The following CHCHD1 variants were observed in gnomAD, a reference collection of about 807,000 sequenced individuals.
The protein encoded by CHCHD1 is small ribosomal subunit protein mS37.
In CHCHD1, 12 loss-of-function variants were observed where a neutral mutation model predicts 12.7. The observed-to-expected ratio is 0.95, with a 90% CI of 0.61 to 1.53. The LOEUF (loss-of-function observed/expected upper bound fraction) is 1.53. Among genes scored for constraint, CHCHD1 ranks in the 40% most tolerant of loss-of-function variants. The probability of loss-of-function intolerance (pLI) is 0.00; values close to 1 mark genes in which losing one functional copy is unlikely to be tolerated. For missense variants in CHCHD1, 151 were observed against 155.8 expected (o/e 0.97, Z 0.17); for synonymous variants, 57 against 62.4 (o/e 0.91, Z 0.41).
intron 1 of CHCHD1, 61 bp downstream of exon 1, chr10:73,782,260 G>T: frequency 6.2e-7 from 1 of 1,609,568 alleles, no homozygotes. Context: ...AGGGGCGGGT[G>T]GGTAGGAGGG....
chr10:73,782,988 T>C (rs2083110320), intron 2 of CHCHD1, 86 bp from the exon 3 acceptor site: 1 of 1,010,652 alleles, frequency 9.9e-7, no homozygotes. Flanking sequence ...ACTTGATTGA[T>C]TGATTGGTTT....
At chr10:73,783,004 G>T (rs970141383) in intron 2 of CHCHD1, 70 bp from the exon 3 acceptor site, 3 of 1,217,166 alleles carry the variant, frequency 2.5e-6, no homozygotes, top group Non-Finnish European at 3.6e-6. Context: ...GGTTTTTTGG[G>T]TCAGATCTTA....
chr10:73,782,950 T>A (rs897790288), intron 2 of CHCHD1, 124 bp from the exon 3 acceptor site: 15 of 773,526 alleles, frequency 1.9e-5, no homozygotes, highest in African/African-American at 7.0e-5. Flanking sequence ...TAGGGCATTG[T>A]GAGAACTATG....
rs989126170 is a variant in CHCHD1, at chr10:73,782,678, ATGT to A, written c.243+241_243+243del. 95 of 1,056,224 alleles carry A rather than the reference ATGT, an allele frequency of 9.0e-5. No homozygotes were observed. In the African/African-American group the frequency reaches 1.4e-3, roughly 16 times the overall value. The allele number at this position is 1,056,224 out of a possible 1,614,324, so 65.4% of individuals were successfully genotyped here. ...AGGCTAACCAATACCACCTTAAAGA[ATGT>A]TGTGAGTGTCAGATGAAGTAATGAA... On this transcript the variant is annotated intron_variant, in intron 2 of 2. Transcript: ENST00000372833.
chr10:73,783,002 G>T, intron 2 of CHCHD1, 72 bp from the exon 3 acceptor site: 1 of 1,164,332 alleles, frequency 8.6e-7, no homozygotes, highest in Non-Finnish European at 1.3e-6. Context: ...TTGGTTTTTT[G>T]GGTCAGATCT....
intron 2 of CHCHD1, 153 bp downstream of exon 2, chr10:73,782,594 G>A: frequency 6.9e-7 from 1 of 1,457,720 alleles, no homozygotes; most frequent in Non-Finnish European, 9.0e-7. Flanking sequence ...TTTGAAGGCT[G>A]TGTGATCTTG....
chr10:73,782,527 G>A lies in CHCHD1; in HGVS notation c.243+86G>A, dbSNP rs775388252. On this transcript the variant is annotated intron_variant, in intron 2 of 2. Coordinates refer to ENST00000372833, the MANE Select transcript of CHCHD1 (RefSeq NM_203298.3). ...TTCTCCCTGCCTTTTGCTAGGAAAG[G>A]CCCTTTCATTCATTTGGGAGGTATA... 11 of 1,591,852 alleles carry A rather than the reference G, an allele frequency of 6.9e-6. No individual in the cohort carries two copies. In the African/African-American group the frequency reaches 1.1e-4, roughly 16 times the overall value.
chr10:73,782,904 A>G, intron 2 of CHCHD1, 170 bp from the exon 3 acceptor site: 1 of 637,460 alleles, frequency 1.6e-6, no homozygotes, highest in East Asian at 2.8e-5. Flanking sequence ...AGGCTGACAT[A>G]GATCTCTCCA....
rs770160307 is a variant in CHCHD1, at chr10:73,783,295, A to G, written c.*108A>G. On this transcript the variant is annotated 3_prime_UTR_variant, in exon 3 of 3. Coordinates refer to ENST00000372833, the MANE Select transcript of CHCHD1 (RefSeq NM_203298.3). The stretch of plus-strand genomic sequence containing the variant: ...CCCTCTTTGGAGGGTAGAAGAGGCA[A>G]AACACTTTTTTCACCCTTTGGAATC... 12 of 742,938 alleles carry G rather than the reference A, an allele frequency of 1.6e-5. No homozygotes were observed. Among genetic ancestry groups the G allele is most frequent in the South Asian group, 3.5e-5 (2 of 56,952 alleles). The allele number at this position is 742,938 out of a possible 1,614,324, so 46.0% of individuals were successfully genotyped here.
chr10:73,782,767 G>A, intron 2 of CHCHD1: 1 of 593,158 alleles, frequency 1.7e-6, no homozygotes, highest in Non-Finnish European at 2.8e-6. Context: ...GTGTGAAATA[G>A]AACTAAAGAG....
At chr10:73,782,761 G>A (rs1198577402) in intron 2 of CHCHD1, 16 of 605,046 alleles carry the variant, frequency 2.6e-5, no homozygotes, top group Non-Finnish European at 3.7e-5. Flanking sequence ...ATTATTGTGT[G>A]AAATAGAACT....
rs1395683485 is a variant in CHCHD1 at position 73,782,115 on chromosome 10, G to T, written c.40G>T (p.Gly14Trp). The change falls in exon 1 of 3, where the codon GGG (glycine) becomes TGG (tryptophan). Residue 14 changes from glycine (G) to tryptophan (W), a missense_variant. Coordinates refer to ENST00000372833, the MANE Select transcript of CHCHD1 (RefSeq NM_203298.3). ...CCTGCGGGGTCGTCTGGCGCGGTTT[G>T]GGAACCCGCGGAAGCCTGTGCTGAA... ...PSLRGRLARF[G>W]NPRKPVLKPN... The T allele has an allele frequency of 6.2e-7, 1 of 1,613,190 alleles. No homozygotes were observed. The highest frequency in any genetic ancestry group is 8.5e-7 in the Non-Finnish European group (1 of 1,179,956).
rs1565060855 is a variant in CHCHD1 at position 73,783,182 on chromosome 10, A to C, written c.352A>C (p.Ser118Arg). The change falls in exon 3 of 3, where the codon AGC (serine) becomes CGC (arginine). Residue 118 changes from serine to arginine, a missense_variant. By Grantham distance (110) the Ser-to-Arg change is moderately radical (BLOSUM62 -1). Transcript: ENST00000372833. Reference protein sequence around the residue: ...LQRFPNKPYLS With the variant: ...LQRFPNKPYLR ...GAGGTTTCCTAACAAACCTTACCTCAGCTGAAAATGGACAAGTATTTTCAA... is the reference window on the plus strand; with the variant it reads ...GAGGTTTCCTAACAAACCTTACCTCCGCTGAAAATGGACAAGTATTTTCAA... 6.2e-7 allele frequency: 1 copy of C among 1,607,442 alleles called. No homozygotes were observed. Among genetic ancestry groups the C allele is most frequent in the East Asian group, 2.2e-5 (1 of 44,824 alleles).
intron 2 of CHCHD1, 191 bp downstream of exon 2, chr10:73,782,632 C>G: frequency 1.4e-6 from 2 of 1,386,036 alleles, no homozygotes; most frequent in Non-Finnish European, 1.9e-6. Flanking sequence ...TCTGAACTTT[C>G]GAGTTACTGT....
chr10:73,782,905 G>T (rs2083109966), intron 2 of CHCHD1, 169 bp from the exon 3 acceptor site: 1 of 639,106 alleles, frequency 1.6e-6, no homozygotes, highest in African/African-American at 1.8e-5. Context: ...GGCTGACATA[G>T]ATCTCTCCAG....
Position 73,782,133 on chromosome 10 carries a change from G to C in CHCHD1, c.58G>C (p.Val20Leu). The change falls in exon 1 of 3, where the codon GTG (valine) becomes CTG (leucine). Residue 20 changes from valine to leucine, a missense_variant. By Grantham distance (32) the Val-to-Leu change is conservative. Coordinates refer to ENST00000372833, the MANE Select transcript of CHCHD1 (RefSeq NM_203298.3). ...LARFGNPRKP[V>L]LKPNKPLILA... ...GCGGTTTGGGAACCCGCGGAAGCCT[G>C]TGCTGAAGCCCAATAAACCTCTCAT... is the stretch of plus-strand genomic sequence containing the variant. 2 of 1,613,718 alleles carry C rather than the reference G, an allele frequency of 1.2e-6. No homozygotes were observed. Among genetic ancestry groups the C allele is most frequent in the African/African-American group, 1.3e-5 (1 of 75,058 alleles).
At chr10:73,783,046 C>A in intron 2 of CHCHD1, 28 bp from the exon 3 acceptor site, 1 of 1,541,888 alleles carries the variant, frequency 6.5e-7, no homozygotes, top group South Asian at 1.1e-5. Flanking sequence ...GTAGAGCTGT[C>A]ATTCTTGTAT....
rs201844542 is a variant in CHCHD1, at chr10:73,782,346, T to G, written c.148T>G (p.Ser50Ala). The G allele has an allele frequency of 2.0e-5, 32 of 1,614,070 alleles. No individual in the cohort carries two copies. The East Asian group carries it at 6.5e-4, about 33-fold the overall frequency. Residue 50 changes from serine to alanine, a missense_variant, in exon 2 of 3, where the codon TCG becomes GCG. Physicochemically the swap from Ser to Ala is moderately conservative, Grantham distance 99. Coordinates refer to ENST00000372833, the MANE Select transcript of CHCHD1 (RefSeq NM_203298.3). ...AGAGGCGACTTGCATCACGGAGATG[T>G]CGGTGATGATGGCTTGCTGGAAGCA... Reference protein sequence around the residue: ...KGEATCITEMSVMMACWKQNE... With the variant: ...KGEATCITEMAVMMACWKQNE...
At chr10:73,782,771 T>A in intron 2 of CHCHD1, 2 of 584,438 alleles carry the variant, frequency 3.4e-6, no homozygotes, top group South Asian at 2.3e-5. Flanking sequence ...GAAATAGAAC[T>A]AAAGAGACTA....
Sources: allele counts gnomAD v4.1 joint callset, GRCh38; gene constraint gnomAD v4.1.1; transcripts MANE v1.5; gene names NCBI Gene and HGNC (gene_info 2026-07-23, HGNC 2026-07-21).